Variants in TMC2 observed in about 807,000 individuals in gnomAD.
TMC2 encodes the protein transmembrane channel like 2.
Under a neutral mutation model 105.9 loss-of-function variants are expected in TMC2, and 102 were observed. That is an observed-to-expected ratio of 0.96 (90% CI 0.82 to 1.14). The LOEUF (loss-of-function observed/expected upper bound fraction) is 1.14. Ranked by LOEUF, TMC2 falls within the 50% of genes most tolerant of loss-of-function variation. The pLI is 0.00. For synonymous variants in TMC2, 402 were observed against 422.8 expected, an observed-to-expected ratio of 0.95 and a Z score of 0.60; for missense variants, 1,093 against 1,134.3, an observed-to-expected ratio of 0.96 and a Z score of 0.52.
At position 2,635,983 on chromosome 20, in the gene TMC2, G is replaced by A. The variant is rs375915161; in HGVS notation, c.2364G>A (p.Gln788=). The A allele has an allele frequency of 8.4e-5, 136 of 1,614,000 alleles. 1 individual carries two copies. Among genetic ancestry groups the A allele is most frequent in the Middle Eastern group, 3.3e-4 (2 of 6,084 alleles). ...AAAGCCTTTCCCGAGCTAATGCCCAGCTGAGGAAGAAAATCCAAGTGGTGA... is the reference window on the plus strand; with the variant it reads ...AAAGCCTTTCCCGAGCTAATGCCCAACTGAGGAAGAAAATCCAAGTGGTGA... The part of the protein sequence containing the change: ...VSKSLSRANA[Q]LRKKIQVLRE... The change falls in exon 18 of 20, where the codon CAG becomes CAA. Residue 788 remains glutamine (Q), a synonymous_variant. Coordinates refer to ENST00000358864, the MANE Select transcript of TMC2 (RefSeq NM_080751.3).
chr20:2,567,063 T>C (rs2086069192), intron 4 of TMC2, among the ~76,000 whole-genome samples: 1 of 152,228 alleles, frequency 6.6e-6, no homozygotes, highest in Admixed American at 6.5e-5. Flanking sequence ...CCAATACCCC[T>C]AACCAGGGTG....
At chr20:2,618,114 CTCTA>C (rs2086498320) in intron 16 of TMC2, 1 of 152,220 alleles carries the variant, frequency 6.6e-6, no homozygotes, top group Admixed American at 6.5e-5. Flanking sequence ...GACTTCTTCC[CTCTA>C]TCTAACTGTA....
intron 2 of TMC2, among the ~76,000 whole-genome samples, chr20:2,538,462 C>T (rs1246105795): frequency 2.0e-5 from 3 of 152,106 alleles, no homozygotes; most frequent in South Asian, 2.1e-4. Flanking sequence ...TCCCGGGGGT[C>T]GGGCCACGGT....
intron 2 of TMC2, among the ~76,000 whole-genome samples, chr20:2,538,648 A>G (rs2085868049): frequency 6.6e-6 from 1 of 152,160 alleles, no homozygotes; most frequent in Non-Finnish European, 1.5e-5. Flanking sequence ...TAGGACTGAA[A>G]TGGAAGACCA....
intron 5 of TMC2, among the ~76,000 whole-genome samples, chr20:2,575,375 C>T (rs2422791): frequency 0.091 from 13,875 of 152,218 alleles, 692 homozygotes; most frequent in Non-Finnish European, 0.1. Flanking sequence ...TTTCCCCAAT[C>T]TATAGCAACT....
intron 3 of TMC2, among the ~76,000 whole-genome samples, chr20:2,561,247 A>G (rs1196760392): frequency 1.3e-5 from 2 of 152,256 alleles, no homozygotes; most frequent in African/African-American, 4.8e-5. Flanking sequence ...ATATTCTGCT[A>G]CTTGATTCAG....
At chr20:2,564,989 C>A (rs541924867) in intron 4 of TMC2, among the ~76,000 whole-genome samples, 60 of 152,298 alleles carry the variant, frequency 3.9e-4, no homozygotes, top group African/African-American at 1.3e-3. Context: ...CCTCTCCTTG[C>A]TAACTCCTAC....
At chr20:2,600,860 A>C (rs2086346171) in intron 10 of TMC2, among the ~76,000 whole-genome samples, 2 of 147,442 alleles carry the variant, frequency 1.4e-5, no homozygotes. Context: ...GGTGGTGGGC[A>C]CCTGTAATCC....
chr20:2,614,589 T>A (rs1001071394), intron 14 of TMC2, among the ~76,000 whole-genome samples: 20 of 151,950 alleles, frequency 1.3e-4, no homozygotes, highest in African/African-American at 4.8e-4. Flanking sequence ...TCAAAAAGTA[T>A]ATAAAGAAAA....
At chr20:2,542,768 T>C (rs1157597211) in intron 2 of TMC2, among the ~76,000 whole-genome samples, 1 of 150,852 alleles carries the variant, frequency 6.6e-6, no homozygotes, top group Non-Finnish European at 1.5e-5. Context: ...CTTGGCTCAC[T>C]GCAACCTCCG....
intron 2 of TMC2, among the ~76,000 whole-genome samples, chr20:2,538,498 G>C (rs1383523766): frequency 6.6e-6 from 1 of 152,132 alleles, no homozygotes; most frequent in African/African-American, 2.4e-5. Context: ...ACTGCCTGTA[G>C]GATGCTCAGG....
chr20:2,570,401 A>G (rs2086094885), intron 4 of TMC2, among the ~76,000 whole-genome samples: 2 of 152,140 alleles, frequency 1.3e-5, no homozygotes, highest in African/African-American at 4.8e-5. Context: ...CCCATTTACA[A>G]TAGTCACAAA....
At chr20:2,581,660 G>A (rs1011429504) in intron 7 of TMC2, among the ~76,000 whole-genome samples, 1 of 152,204 alleles carries the variant, frequency 6.6e-6, no homozygotes, top group African/African-American at 2.4e-5. Flanking sequence ...TATTCCATGA[G>A]AAGAGAGCAC....
chr20:2,581,257 T>C (rs2086187583), intron 7 of TMC2, among the ~76,000 whole-genome samples: 1 of 152,242 alleles, frequency 6.6e-6, no homozygotes, highest in South Asian at 2.1e-4. Context: ...TAATAGCCTT[T>C]GGTAGCAAAG....
At chr20:2,577,211 A>G (rs951785663) in intron 5 of TMC2, among the ~76,000 whole-genome samples, 1 of 151,400 alleles carries the variant, frequency 6.6e-6, no homozygotes, top group Non-Finnish European at 1.5e-5. Context: ...CCCAGCCTGT[A>G]TTTGTTTTTA....
At chr20:2,631,690 T>C (rs1449869545) in intron 17 of TMC2, among the ~76,000 whole-genome samples, 2 of 138,354 alleles carry the variant, frequency 1.4e-5, no homozygotes, top group Non-Finnish European at 3.1e-5. Flanking sequence ...CTGGATTCTC[T>C]CTTTGACTAT....
At chr20:2,538,795 T>A (rs2085869123) in intron 2 of TMC2, among the ~76,000 whole-genome samples, 1 of 152,198 alleles carries the variant, frequency 6.6e-6, no homozygotes, top group Admixed American at 6.5e-5. Flanking sequence ...GCAGTAAAGT[T>A]AAACATTGGG....
intron 5 of TMC2, among the ~76,000 whole-genome samples, chr20:2,573,603 C>CCCT (rs1476681812): frequency 6.9e-6 from 1 of 145,552 alleles, no homozygotes; most frequent in African/African-American, 2.6e-5. Flanking sequence ...CTCTGTTGCC[C>CCCT]AAGCTGGAAT....
intron 2 of TMC2, among the ~76,000 whole-genome samples, chr20:2,551,157 C>G (rs976411990): frequency 5.1e-4 from 78 of 152,110 alleles, no homozygotes; most frequent in African/African-American, 1.9e-3. Context: ...TTTGTGTTGC[C>G]AATAAGCATG....
Sources: allele counts gnomAD v4.1 joint callset (sites outside exome capture counted in the v4.1 genomes callset), GRCh38; gene constraint gnomAD v4.1.1; transcripts MANE v1.5; gene names NCBI Gene and HGNC (gene_info 2026-07-23, HGNC 2026-07-21).